NREP: variants seen among roughly 807,000 people sequenced by gnomAD.
NREP encodes neuronal regeneration-related protein.
Under a neutral mutation model 8.6 loss-of-function variants are expected in NREP, and 5 were observed. The observed-to-expected ratio is 0.58, with a 90% confidence interval of 0.30 to 1.22. The LOEUF (loss-of-function observed/expected upper bound fraction) is 1.22. Among genes scored for constraint, NREP ranks in the 50% most tolerant of loss-of-function variants. NREP has a pLI of 0.07. For missense variants in NREP, 86 were observed against 82.5 expected (o/e 1.04, Z -0.17); for synonymous variants, 27 against 28.0 (o/e 0.96, Z 0.11).
At chr5:111,795,526 A>C (rs1751854356) in intron 2 of NREP, among the ~76,000 whole-genome samples, 2 of 152,220 alleles carry the variant, frequency 1.3e-5, no homozygotes, top group South Asian at 4.1e-4. Flanking sequence ...ATAGTCTAGG[A>C]CTTCTTTTAA....
intron 2 of NREP, among the ~76,000 whole-genome samples, chr5:111,863,958 C>T (rs1028873063): frequency 3.3e-5 from 5 of 152,096 alleles, no homozygotes; most frequent in African/African-American, 1.2e-4. Flanking sequence ...GGCTCAGAGA[C>T]AAGCACAGCA....
chr5:111,784,998 C>T (rs1581115804), intron 2 of NREP, among the ~76,000 whole-genome samples: 1 of 152,128 alleles, frequency 6.6e-6, no homozygotes, highest in Non-Finnish European at 1.5e-5. Flanking sequence ...TGGTGCCATC[C>T]TTAGGCCTGG....
At chr5:111,919,891 G>GAAAAAAAGAAAGAAAGAAAGAAAA in intron 2 of NREP, among the ~76,000 whole-genome samples, 1 of 148,416 alleles carries the variant, frequency 6.7e-6, no homozygotes, top group Non-Finnish European at 1.5e-5. Context: ...AAGAAAGAAA[G>GAAAAAAAGAAAGAAAGAAAGAAAA]AAAGAAAGAA....
intron 2 of NREP, among the ~76,000 whole-genome samples, chr5:111,773,967 G>A (rs78181849): frequency 0.065 from 9,888 of 152,168 alleles, 442 homozygotes; most frequent in African/African-American, 0.12. Context: ...ACCCGTGGGG[G>A]AGGTGACACA....
intron 2 of NREP, among the ~76,000 whole-genome samples, chr5:111,926,785 G>A (rs1246813559): frequency 6.6e-6 from 1 of 151,690 alleles, no homozygotes; most frequent in African/African-American, 2.4e-5. Context: ...AGACAGTGGG[G>A]GCTTCCCCAC....
chr5:111,752,770 T>C (rs1036016768), intron 2 of NREP, among the ~76,000 whole-genome samples: 1 of 152,154 alleles, frequency 6.6e-6, no homozygotes, highest in African/African-American at 2.4e-5. Flanking sequence ...TGTGAGTCCA[T>C]GGCACACACA....
At chr5:111,871,435 A>G (rs1169183648) in intron 2 of NREP, among the ~76,000 whole-genome samples, 2 of 152,156 alleles carry the variant, frequency 1.3e-5, no homozygotes, top group African/African-American at 4.8e-5. Flanking sequence ...GTGAGTGGCG[A>G]GTGAATGTGA....
At chr5:111,834,194 C>A (rs778489132) in intron 2 of NREP, among the ~76,000 whole-genome samples, 9 of 152,144 alleles carry the variant, frequency 5.9e-5, no homozygotes, top group Non-Finnish European at 1.2e-4. Context: ...AGTATTTAAT[C>A]CTAACTCAGG....
chr5:111,767,287 C>T (rs1393885497), intron 2 of NREP, among the ~76,000 whole-genome samples: 2 of 150,716 alleles, frequency 1.3e-5, no homozygotes, highest in Admixed American at 6.6e-5. Flanking sequence ...ATAAATTACT[C>T]CTCCCCGCCA....
chr5:111,842,418 G>A (rs929433549), intron 2 of NREP, among the ~76,000 whole-genome samples: 1 of 152,040 alleles, frequency 6.6e-6, no homozygotes, highest in African/African-American at 2.4e-5. Context: ...ATATTTTAGA[G>A]TTATAACATT....
At chr5:111,808,013 A>G (rs1331658855) in intron 2 of NREP, among the ~76,000 whole-genome samples, 1 of 152,216 alleles carries the variant, frequency 6.6e-6, no homozygotes, top group Non-Finnish European at 1.5e-5. Flanking sequence ...GGAAGCACAG[A>G]AATGACTTTT....
intron 3 of NREP, chr5:111,732,676 A>AG (rs1748704059): frequency 6.6e-6 from 1 of 151,086 alleles, no homozygotes; most frequent in Non-Finnish European, 1.5e-5. Flanking sequence ...AAAAAAAAAA[A>AG]AAAGGAAATC....
chr5:111,940,592 A>G (rs1030025471), intron 2 of NREP, among the ~76,000 whole-genome samples: 1 of 151,940 alleles, frequency 6.6e-6, no homozygotes, highest in Non-Finnish European at 1.5e-5. Flanking sequence ...TCATCACCCA[A>G]CTACTCTGTC....
rs187521736 is a variant in NREP at position 111,893,325 on chromosome 5, T to C, written c.135+81949A>G. Among the ~76,000 whole-genome samples the C allele has an allele frequency of 2.0e-3, 301 of 152,274 alleles. 4 individuals carry two copies. The highest frequency in any genetic ancestry group is 1.5e-3 in the Non-Finnish European group (103 of 68,022). The stretch of plus-strand genomic sequence containing the variant: ...GATAGATTCTATGTAAACTGTGAGT[T>C]AGAAAATAATTGAGGGCTTTTAAGA... On this transcript the variant is annotated intron_variant, in intron 2 of 3. Coordinates refer to the NREP transcript ENST00000395634.
intron 2 of NREP, among the ~76,000 whole-genome samples, chr5:111,878,838 T>C (rs1200239280): frequency 6.6e-6 from 1 of 152,192 alleles, no homozygotes; most frequent in African/African-American, 2.4e-5. Flanking sequence ...CAAACTTTTC[T>C]TGATCATGGC....
intron 2 of NREP, among the ~76,000 whole-genome samples, chr5:111,884,737 CA>C (rs1384305927): frequency 1.3e-5 from 2 of 152,140 alleles, no homozygotes; most frequent in Non-Finnish European, 2.9e-5. Context: ...ATGATTATCT[CA>C]ATAGATGCAG....
At chr5:111,745,973 A>G (rs1215602239) in intron 2 of NREP, among the ~76,000 whole-genome samples, 2 of 152,296 alleles carry the variant, frequency 1.3e-5, no homozygotes, top group East Asian at 3.9e-4. Flanking sequence ...ATCAAATAGC[A>G]AATAATTAGG....
At chr5:111,777,028 G>GAGA (rs1751380188) in intron 2 of NREP, among the ~76,000 whole-genome samples, 1 of 149,626 alleles carries the variant, frequency 6.7e-6, no homozygotes, top group Non-Finnish European at 1.5e-5. Context: ...GGAGGAGGAG[G>GAGA]AAGGAGGTGG....
At chr5:111,883,770 A>G (rs954509053) in intron 2 of NREP, among the ~76,000 whole-genome samples, 5 of 152,216 alleles carry the variant, frequency 3.3e-5, no homozygotes, top group Non-Finnish European at 5.9e-5. Flanking sequence ...GTTCTTTGAA[A>G]CCAACGAGAA....
Sources: gnomAD v4.1 joint callset for allele counts (sites outside exome capture counted in the v4.1 genomes callset) on GRCh38, gnomAD v4.1.1 for gene constraint, MANE v1.5 for transcripts, NCBI Gene and HGNC (gene_info 2026-07-23, HGNC 2026-07-21) for gene names.